LRP1B: variants seen among roughly 807,000 people sequenced by gnomAD.
LRP1B encodes LDL receptor related protein 1B, also known as low-density lipoprotein receptor-related protein 1B.
A neutral mutation model predicts 556.6 loss-of-function variants in LRP1B; 217 were observed. The ratio of observed to expected loss-of-function variants is 0.39; its 90% CI spans 0.35 to 0.44. The LOEUF (loss-of-function observed/expected upper bound fraction) is 0.44, where lower values mean the gene tolerates loss of function less well. Among genes scored for constraint, LRP1B ranks in the 20% least tolerant of loss-of-function variants. The pLI, the probability that LRP1B is intolerant of heterozygous loss-of-function variation, is 1.00. For missense variants in LRP1B, 5,053 were observed against 5,620.8 expected (o/e 0.90, Z 3.23); for synonymous variants, 2,047 against 1,865.8 (o/e 1.10, Z -2.50).
chr2:140,424,709 C>T (rs771762291), intron 66 of LRP1B, among the ~76,000 whole-genome samples: 82 of 152,160 alleles, frequency 5.4e-4, no homozygotes, highest in Non-Finnish European at 9.1e-4. Context: ...AGATGGTAAG[C>T]TGTGGATCAC....
At chr2:140,765,817 G>A (rs1207581452) in intron 35 of LRP1B, among the ~76,000 whole-genome samples, 1 of 152,056 alleles carries the variant, frequency 6.6e-6, no homozygotes, top group African/African-American at 2.4e-5. Flanking sequence ...AAATAGTATT[G>A]ATAAATTATG....
intron 27 of LRP1B, among the ~76,000 whole-genome samples, chr2:140,852,095 AG>A (rs1692477668): frequency 6.6e-6 from 1 of 152,202 alleles, no homozygotes; most frequent in African/African-American, 2.4e-5. Context: ...TGGGAGGCCA[AG>A]GCAGGCAGAT....
At chr2:140,437,023 A>G (rs1480203007) in intron 66 of LRP1B, among the ~76,000 whole-genome samples, 1 of 152,164 alleles carries the variant, frequency 6.6e-6, no homozygotes, top group African/African-American at 2.4e-5. Context: ...GGTTTACAGG[A>G]TCATGTGCTT....
chr2:141,256,127 T>C (rs1684453879), intron 3 of LRP1B, among the ~76,000 whole-genome samples: 1 of 151,844 alleles, frequency 6.6e-6, no homozygotes, highest in South Asian at 2.1e-4. Flanking sequence ...GTACAAGTGG[T>C]AGGATGTAGA....
intron 1 of LRP1B, among the ~76,000 whole-genome samples, chr2:142,016,586 C>A (rs1340723116): frequency 6.6e-6 from 1 of 151,862 alleles, no homozygotes; most frequent in Non-Finnish European, 1.5e-5. Context: ...GAACAGAAAA[C>A]CAAACACCAC....
rs145585961 is a variant in LRP1B at position 141,370,827 on chromosome 2, T to C, written c.343+109569A>G. On this transcript the variant is annotated intron_variant, in intron 3 of 90. Coordinates refer to ENST00000389484, the MANE Select transcript of LRP1B (RefSeq NM_018557.3). ...ATCTTGAGTTGATTTTTATATATGA[T>C]GAGATATATGGATCCAGTTTCATTC... 1.6e-3 allele frequency among the ~76,000 whole-genome samples: 249 copies of C among 152,288 alleles called. 1 individual carries two copies. Among genetic ancestry groups the C allele is most frequent in the African/African-American group, 5.8e-3 (242 of 41,556 alleles).
At chr2:141,248,996 A>G (rs1684166554) in intron 4 of LRP1B, among the ~76,000 whole-genome samples, 1 of 152,170 alleles carries the variant, frequency 6.6e-6, no homozygotes, top group Non-Finnish European at 1.5e-5. Flanking sequence ...GAATTTTGAA[A>G]TAGAGGATGT....
At chr2:140,631,271 G>A (rs1398558229) in intron 41 of LRP1B, among the ~76,000 whole-genome samples, 1 of 152,074 alleles carries the variant, frequency 6.6e-6, no homozygotes, top group African/African-American at 2.4e-5. Flanking sequence ...AAATTTGCAT[G>A]ACATGCTAAA....
chr2:141,831,159 ATTG>A (rs901274797), intron 1 of LRP1B, among the ~76,000 whole-genome samples: 2 of 151,706 alleles, frequency 1.3e-5, no homozygotes, highest in East Asian at 1.9e-4. Flanking sequence ...TCTCCAAGTA[ATTG>A]TTGTTAATTT....
At chr2:141,869,891 A>G (rs1698527591) in intron 1 of LRP1B, among the ~76,000 whole-genome samples, 1 of 152,114 alleles carries the variant, frequency 6.6e-6, no homozygotes. Flanking sequence ...AACAAAACAT[A>G]AAACCCAAGA....
chr2:141,249,651 G>A (rs533561978), intron 4 of LRP1B, among the ~76,000 whole-genome samples: 3 of 151,958 alleles, frequency 2.0e-5, no homozygotes, highest in East Asian at 1.9e-4. Context: ...GAGTCCTACA[G>A]TCGCCTGTGA....
chr2:141,941,487 CACCT>C (rs1272902859), intron 1 of LRP1B, among the ~76,000 whole-genome samples: 3 of 152,186 alleles, frequency 2.0e-5, no homozygotes, highest in Admixed American at 2.0e-4. Context: ...ATAGGTCTTT[CACCT>C]ATTCCTTGTT....
At chr2:141,901,970 C>A (rs541527559) in intron 1 of LRP1B, among the ~76,000 whole-genome samples, 1 of 151,390 alleles carries the variant, frequency 6.6e-6, no homozygotes, top group African/African-American at 2.4e-5. Context: ...TTTCTTCATA[C>A]CTAGAATAAT....
intron 1 of LRP1B, among the ~76,000 whole-genome samples, chr2:142,007,536 T>A (rs1227101184): frequency 6.6e-6 from 1 of 152,192 alleles, no homozygotes; most frequent in African/African-American, 2.4e-5. Context: ...GTACATTACC[T>A]ATCAACACTT....
intron 7 of LRP1B, among the ~76,000 whole-genome samples, chr2:141,103,987 AT>A (rs1459331821): frequency 1.3e-4 from 19 of 151,824 alleles, no homozygotes; most frequent in Admixed American, 2.6e-4. Flanking sequence ...CATAATTTTT[AT>A]TTTTTGTTTA....
At chr2:142,070,178 A>T (rs1705258290) in intron 1 of LRP1B, among the ~76,000 whole-genome samples, 1 of 151,784 alleles carries the variant, frequency 6.6e-6, no homozygotes, top group Non-Finnish European at 1.5e-5. Context: ...CAAACGGTCC[A>T]GAGCAAGTAG....
intron 1 of LRP1B, among the ~76,000 whole-genome samples, chr2:142,113,029 G>A (rs191512487): frequency 5.9e-5 from 9 of 152,172 alleles, no homozygotes; most frequent in Admixed American, 3.9e-4. Flanking sequence ...TCTTCCCCCT[G>A]GTGGTTATAG....
chr2:140,975,437 A>T (rs949402598), intron 18 of LRP1B, among the ~76,000 whole-genome samples: 1 of 152,020 alleles, frequency 6.6e-6, no homozygotes. Context: ...GCTTGAAAAG[A>T]TGTTACTCAT....
chr2:141,139,861 AAAGG>A (rs1701598078), intron 7 of LRP1B, among the ~76,000 whole-genome samples: 2 of 151,588 alleles, frequency 1.3e-5, no homozygotes, highest in Non-Finnish European at 2.9e-5. Context: ...TACCAAGAAA[AAAGG>A]AAGTTTATTT....
Sources: allele counts gnomAD v4.1 joint callset (sites outside exome capture counted in the v4.1 genomes callset), GRCh38; gene constraint gnomAD v4.1.1; transcripts MANE v1.5; gene names NCBI Gene and HGNC (gene_info 2026-07-23, HGNC 2026-07-21).